Variants in ELP4 observed in about 807,000 individuals in gnomAD.
The protein encoded by ELP4 is elongator acetyltransferase complex subunit 4.
A neutral mutation model predicts 48.9 loss-of-function variants in ELP4; 51 were observed. The observed-to-expected ratio is 1.04, with a 90% confidence interval of 0.83 to 1.32. The LOEUF is 1.32. Ranked by LOEUF, ELP4 falls within the 40% of genes most tolerant of loss-of-function variation. ELP4 has a pLI of 0.00. For synonymous variants in ELP4, 210 were observed against 189.2 expected (o/e 1.11, Z -0.90); for missense variants, 519 against 514.6 (o/e 1.01, Z -0.08).
Position 31,608,826 on chromosome 11 carries a change from G to T in ELP4, c.653+4919G>T, listed in dbSNP as rs146597921. Among the ~76,000 whole-genome samples the T allele has an allele frequency of 3.8e-3, 577 of 152,228 alleles. 2 individuals carry two copies. The highest frequency in any genetic ancestry group is 0.013 in the African/African-American group (540 of 41,556). ...GACGAGACCTGGGAAGGGTAAGTGG[G>T]TGCTAAAAATTTAGATAAAGCCGAG... is the stretch of plus-strand genomic sequence containing the variant. On this transcript the variant is annotated intron_variant, in intron 5 of 9. Coordinates refer to ENST00000640961, the MANE Select transcript of ELP4 (RefSeq NM_019040.5).
At chr11:31,677,762 C>G (rs1328216080) in intron 9 of ELP4, among the ~76,000 whole-genome samples, 1 of 151,990 alleles carries the variant, frequency 6.6e-6, no homozygotes, top group Non-Finnish European at 1.5e-5. Flanking sequence ...TCTCATATAC[C>G]CATCCACACT....
intron 4 of ELP4, among the ~76,000 whole-genome samples, chr11:31,602,260 C>A (rs554428195): frequency 6.6e-6 from 1 of 151,780 alleles, no homozygotes; most frequent in Non-Finnish European, 1.5e-5. Flanking sequence ...AACTATAATC[C>A]GGATAAAGAA....
At chr11:31,570,790 CTTTTTTT>C (rs1183889559) in intron 3 of ELP4, among the ~76,000 whole-genome samples, 10 of 86,036 alleles carry the variant, frequency 1.2e-4, no homozygotes, top group South Asian at 8.6e-4. Flanking sequence ...ACTGTAAACT[CTTTTTTT>C]TTTTTTTTTT....
At chr11:31,611,588 A>C (rs368696975) in intron 5 of ELP4, among the ~76,000 whole-genome samples, 1 of 152,224 alleles carries the variant, frequency 6.6e-6, no homozygotes, top group Non-Finnish European at 1.5e-5. Context: ...GGATAGTCCA[A>C]TCTACTGAAG....
chr11:31,728,758 G>A (rs931878278), intron 9 of ELP4, among the ~76,000 whole-genome samples: 1 of 152,134 alleles, frequency 6.6e-6, no homozygotes, highest in Non-Finnish European at 1.5e-5. Context: ...TATATAAATA[G>A]GATAGCTAAT....
At chr11:31,608,247 G>A (rs756356095) in intron 5 of ELP4, among the ~76,000 whole-genome samples, 2 of 152,012 alleles carry the variant, frequency 1.3e-5, no homozygotes, top group Non-Finnish European at 2.9e-5. Context: ...GGATGAGGGA[G>A]AGAAGTGTAT....
intron 9 of ELP4, among the ~76,000 whole-genome samples, chr11:31,718,444 CT>C (rs1342469547): frequency 1.3e-5 from 2 of 152,216 alleles, no homozygotes; most frequent in Admixed American, 6.5e-5. Flanking sequence ...ATGGAAAACA[CT>C]CATTACATTC....
intron 7 of ELP4, among the ~76,000 whole-genome samples, chr11:31,637,744 T>G (rs928638701): frequency 1.3e-5 from 2 of 152,000 alleles, no homozygotes; most frequent in African/African-American, 2.4e-5. Flanking sequence ...CTAGCAAAAT[T>G]TGTCATCCAC....
chr11:31,583,588 C>T (rs567079025), intron 3 of ELP4, among the ~76,000 whole-genome samples: 2 of 151,928 alleles, frequency 1.3e-5, no homozygotes, highest in Non-Finnish European at 2.9e-5. Context: ...GGCCACACAG[C>T]GAGACTCCAA....
Position 31,666,372 on chromosome 11 carries a change from G to A in ELP4, c.1143+16151G>A, listed in dbSNP as rs375343032. ...AGAATAATAAACTGAACACTATAGC[G>A]GAAAACACTTTAATTGTTTTAATAA... On this transcript the variant is annotated intron_variant, in intron 9 of 9. Transcript: ENST00000640961. Among the ~76,000 whole-genome samples the A allele has an allele frequency of 1.4e-4, 22 of 152,118 alleles. No homozygotes were observed. In the East Asian group the frequency reaches 1.7e-3, roughly 12 times the overall value.
intron 9 of ELP4, among the ~76,000 whole-genome samples, chr11:31,778,137 CAT>C (rs1403630688): frequency 6.6e-6 from 1 of 152,312 alleles, no homozygotes; most frequent in Middle Eastern, 3.4e-3. Flanking sequence ...GCAGTGAAGA[CAT>C]GTGCAAAATA....
intron 1 of ELP4, among the ~76,000 whole-genome samples, chr11:31,514,087 A>G (rs998815640): frequency 2.6e-5 from 4 of 152,192 alleles, no homozygotes; most frequent in Non-Finnish European, 4.4e-5. Flanking sequence ...TCTTTTGTGT[A>G]CATAAAGTAC....
chr11:31,743,318 A>G (rs1486048412), intron 9 of ELP4, among the ~76,000 whole-genome samples: 2 of 152,098 alleles, frequency 1.3e-5, no homozygotes, highest in Non-Finnish European at 2.9e-5. Context: ...ACACCCCACT[A>G]TCAACATTAG....
At chr11:31,646,368 T>C (rs961845319) in intron 7 of ELP4, 1 of 151,772 alleles carries the variant, frequency 6.6e-6, no homozygotes, top group African/African-American at 2.4e-5. Context: ...TTCCAACTTA[T>C]GAAGGAGTTT....
At position 31,711,500 on chromosome 11, in the gene ELP4, G is replaced by C. The variant is rs528677831; in HGVS notation, c.1143+61279G>C. On this transcript the variant is annotated intron_variant, in intron 9 of 9. Coordinates refer to ENST00000640961, the MANE Select transcript of ELP4 (RefSeq NM_019040.5). Reference sequence around the variant, plus strand: ...TTATCTCCTCTTTGTCATCAGAGTGGCCTAGGTTAAGAAAATGCCACCTTA... The same window carrying C: ...TTATCTCCTCTTTGTCATCAGAGTGCCCTAGGTTAAGAAAATGCCACCTTA... Among the ~76,000 whole-genome samples the C allele has an allele frequency of 7.9e-5, 12 of 152,112 alleles. 1 individual carries two copies. The East Asian group carries it at 1.5e-3, about 20-fold the overall frequency.
At chr11:31,572,758 G>T (rs1957209697) in intron 3 of ELP4, among the ~76,000 whole-genome samples, 1 of 152,220 alleles carries the variant, frequency 6.6e-6, no homozygotes, top group Non-Finnish European at 1.5e-5. Flanking sequence ...TCAGCACTTT[G>T]GGAGGCCAAG....
chr11:31,535,733 A>G (rs1385204606), intron 2 of ELP4, among the ~76,000 whole-genome samples: 1 of 152,198 alleles, frequency 6.6e-6, no homozygotes, highest in Non-Finnish European at 1.5e-5. Flanking sequence ...CTGTCACCAT[A>G]AAGTGTTTCC....
intron 9 of ELP4, among the ~76,000 whole-genome samples, chr11:31,718,242 T>C (rs1182390787): frequency 6.6e-6 from 1 of 152,242 alleles, no homozygotes; most frequent in African/African-American, 2.4e-5. Context: ...CCTACCTAAA[T>C]GTAGACCTTA....
chr11:31,715,879 T>C (rs979306683), intron 9 of ELP4, among the ~76,000 whole-genome samples: 1 of 152,150 alleles, frequency 6.6e-6, no homozygotes, highest in Non-Finnish European at 1.5e-5. Context: ...TTTACTAAAA[T>C]AAAATTCAAA....
Sources: gnomAD v4.1 joint callset for allele counts (sites outside exome capture counted in the v4.1 genomes callset) on GRCh38, gnomAD v4.1.1 for gene constraint, MANE v1.5 for transcripts, NCBI Gene and HGNC (gene_info 2026-07-23, HGNC 2026-07-21) for gene names.